DLGAP2: variants seen among roughly 807,000 people sequenced by gnomAD.
DLGAP2 encodes disks large-associated protein 2.
Under a neutral mutation model 100.3 loss-of-function variants are expected in DLGAP2, and 26 were observed. That is an observed-to-expected ratio of 0.26 (90% CI 0.19 to 0.36). The LOEUF (loss-of-function observed/expected upper bound fraction) is 0.36, where lower values mean the gene tolerates loss of function less well. DLGAP2 is among the 10% of genes least tolerant of loss of function. The pLI is 1.00. For missense variants in DLGAP2, 1,858 were observed against 1,453.2 expected (o/e 1.28, Z -4.53); for synonymous variants, 886 against 630.1 (o/e 1.41, Z -6.08).
intron 5 of DLGAP2, among the ~76,000 whole-genome samples, chr8:1,560,950 C>T (rs911334708): frequency 2.6e-5 from 4 of 152,132 alleles, no homozygotes; most frequent in Admixed American, 6.5e-5. Flanking sequence ...CATTAATACC[C>T]GATATGGTTT....
chr8:1,626,755 A>C lies in DLGAP2; in HGVS notation c.1458A>C (p.Gln486His), dbSNP rs1244579637. ...LGEHQTQTYLQAASDVPVGHS... is the reference protein window; with the variant it reads ...LGEHQTQTYLHAASDVPVGHS... Reference sequence around the variant, plus strand: ...TTTCCTGTAGCCAGACCTACCTGCAAGCTGCAAGCGATGTGCCTGTGGGAC... The same window carrying C: ...TTTCCTGTAGCCAGACCTACCTGCACGCTGCAAGCGATGTGCCTGTGGGAC... Residue 486 changes from glutamine to histidine, a missense_variant, in exon 7 of 15, where the codon CAA (glutamine) becomes CAC (histidine). Coordinates refer to ENST00000637795, the MANE Select transcript of DLGAP2 (RefSeq NM_001346810.2). The C allele has an allele frequency of 1.2e-6, 2 of 1,603,298 alleles. No individual in the cohort carries two copies. The highest frequency in any genetic ancestry group is 2.3e-5 in the East Asian group (1 of 44,414).
chr8:824,026 TTCTTTTTTTTCTTCTTC>T (rs1326238687), intron 1 of DLGAP2, among the ~76,000 whole-genome samples: 2 of 5,248 alleles, frequency 3.8e-4, no homozygotes, highest in Non-Finnish European at 7.7e-4. Context: ...ACATTTCTTC[TTCTTTTTTTTCTTCTTC>T]TTTTTTTTCT....
At chr8:918,876 CATT>C (rs1445165288) in intron 2 of DLGAP2, among the ~76,000 whole-genome samples, 1 of 152,134 alleles carries the variant, frequency 6.6e-6, no homozygotes. Context: ...AAGATCTAAA[CATT>C]ATTTTTTAAA....
intron 3 of DLGAP2, among the ~76,000 whole-genome samples, chr8:1,267,569 A>AATAATG (rs1563051862): frequency 2.0e-5 from 1 of 50,800 alleles, no homozygotes; most frequent in Admixed American, 1.7e-4. Context: ...AAAATAAAAT[A>AATAATG]AAATAAAATA....
chr8:1,626,515 C>A (rs796574695), intron 6 of DLGAP2, among the ~76,000 whole-genome samples: 2,174 of 136,076 alleles, frequency 0.016, 5 homozygotes, highest in African/African-American at 0.061. Context: ...TCGTTCCCAT[C>A]TCTACCCTGC....
At chr8:1,594,065 G>A (rs1222964812) in intron 6 of DLGAP2, among the ~76,000 whole-genome samples, 3 of 152,138 alleles carry the variant, frequency 2.0e-5, no homozygotes, top group South Asian at 2.1e-4. Flanking sequence ...GCAAACAGGC[G>A]AAAACCACAG....
chr8:1,053,579 C>A (rs1447813744), intron 2 of DLGAP2, among the ~76,000 whole-genome samples: 1 of 152,074 alleles, frequency 6.6e-6, no homozygotes, highest in African/African-American at 2.4e-5. Flanking sequence ...AAGACTGACA[C>A]AGAAACACAC....
intron 7 of DLGAP2, among the ~76,000 whole-genome samples, chr8:1,627,118 C>G (rs1797525900): frequency 6.6e-6 from 1 of 152,220 alleles, no homozygotes; most frequent in African/African-American, 2.4e-5. Context: ...TGATTTTTTT[C>G]TGAGGAAGCA....
chr8:1,686,204 A>G (rs142576236), intron 12 of DLGAP2, among the ~76,000 whole-genome samples: 134 of 152,304 alleles, frequency 8.8e-4, no homozygotes, highest in Admixed American at 2.3e-3. Context: ...GATAAAGAAA[A>G]TGTGGTAAGA....
chr8:1,119,588 C>T (rs75122602), intron 2 of DLGAP2, among the ~76,000 whole-genome samples: 49 of 152,334 alleles, frequency 3.2e-4, no homozygotes, highest in African/African-American at 1.1e-3. Flanking sequence ...TTCTGGGTGC[C>T]GTGCCTGGAA....
intron 1 of DLGAP2, among the ~76,000 whole-genome samples, chr8:841,873 C>G (rs547428888): frequency 3.3e-5 from 5 of 152,260 alleles, no homozygotes; most frequent in African/African-American, 1.2e-4. Flanking sequence ...GTTTTCCATG[C>G]TAGGTATCCT....
At chr8:814,426 A>G (rs1401436115) in intron 1 of DLGAP2, among the ~76,000 whole-genome samples, 1 of 152,212 alleles carries the variant, frequency 6.6e-6, no homozygotes, top group Non-Finnish European at 1.5e-5. Context: ...TCATGTGCCC[A>G]TTAGGAAACA....
chr8:1,303,480 C>G (rs1318920172), intron 3 of DLGAP2, among the ~76,000 whole-genome samples: 1 of 151,782 alleles, frequency 6.6e-6, no homozygotes, highest in Non-Finnish European at 1.5e-5. Context: ...TGGGAAGGAG[C>G]TTCGACCTGG....
In DLGAP2 at chr8:1,604,133, C is replaced by G. The variant is rs191108995; in HGVS notation, c.1443-22607C>G. 5.8e-4 allele frequency among the ~76,000 whole-genome samples: 88 copies of G among 152,296 alleles called. 2 individuals carry two copies. In the East Asian group the frequency reaches 0.015, roughly 27 times the overall value. ...ACCCTTCTTCATTTTGTGGACACTG[C>G]AGACACTGTTCACATATGGCCGTTA... On this transcript the variant is annotated intron_variant, in intron 6 of 14. Coordinates refer to ENST00000637795, the MANE Select transcript of DLGAP2 (RefSeq NM_001346810.2).
chr8:1,259,800 A>C (rs1384538371), intron 3 of DLGAP2: 1 of 152,188 alleles, frequency 6.6e-6, no homozygotes, highest in Non-Finnish European at 1.5e-5. Context: ...AAAACACAAA[A>C]ATGAAAAAGT....
chr8:1,565,397 T>G (rs1049504624), intron 5 of DLGAP2: 3 of 345,812 alleles, frequency 8.7e-6, no homozygotes, highest in Non-Finnish European at 1.5e-5. Context: ...TAGCCAGTGC[T>G]TTGTCCCAGC....
chr8:1,600,267 G>A (rs1056794220), intron 6 of DLGAP2, among the ~76,000 whole-genome samples: 1 of 152,096 alleles, frequency 6.6e-6, no homozygotes, highest in Non-Finnish European at 1.5e-5. Flanking sequence ...GCTTCCCTTT[G>A]TGGGTAACCT....
chr8:1,439,556 C>T (rs534132076), intron 3 of DLGAP2, among the ~76,000 whole-genome samples: 2 of 152,328 alleles, frequency 1.3e-5, no homozygotes, highest in South Asian at 2.1e-4. Flanking sequence ...GTGGGCCTCG[C>T]TCAGTCCCAC....
chr8:1,372,492 G>A (rs1434159364), intron 3 of DLGAP2, among the ~76,000 whole-genome samples: 1 of 152,180 alleles, frequency 6.6e-6, no homozygotes, highest in African/African-American at 2.4e-5. Flanking sequence ...CAGCTCTCCT[G>A]ACGTCCGGGC....
Sources: allele counts gnomAD v4.1 joint callset (sites outside exome capture counted in the v4.1 genomes callset), GRCh38; gene constraint gnomAD v4.1.1; transcripts MANE v1.5; gene names NCBI Gene and HGNC (gene_info 2026-07-23, HGNC 2026-07-21).